The following CDH18 variants were observed in gnomAD, a reference collection of about 807,000 sequenced individuals.
The protein encoded by CDH18 is cadherin-18.
CDH18 carries 31 observed loss-of-function variants against 67.9 expected under a neutral mutation model. The observed-to-expected ratio is 0.46, with a 90% CI of 0.34 to 0.62. CDH18 has a LOEUF of 0.62. CDH18 is among the 20% of genes least tolerant of loss of function. The pLI is 0.01. For missense variants in CDH18, 890 were observed against 975.5 expected (o/e 0.91, Z 1.17); for synonymous variants, 362 against 347.2 (o/e 1.04, Z -0.48).
chr5:20,332,110 C>T (rs1026499901), intron 1 of CDH18, among the ~76,000 whole-genome samples: 2 of 152,024 alleles, frequency 1.3e-5, no homozygotes, highest in Non-Finnish European at 2.9e-5. Context: ...CTTCTAAACA[C>T]AATTAGTTGA....
intron 1 of CDH18, among the ~76,000 whole-genome samples, chr5:20,269,300 C>T (rs1745269422): frequency 3.3e-5 from 5 of 152,142 alleles, no homozygotes; most frequent in Middle Eastern, 3.4e-3. Context: ...TTAGTGCAGT[C>T]TCTATGAAAA....
intron 1 of CDH18, among the ~76,000 whole-genome samples, chr5:20,471,788 C>T (rs558943033): frequency 4.5e-4 from 59 of 129,990 alleles, no homozygotes; most frequent in Admixed American, 1.5e-3. Flanking sequence ...CCAGCCTGGG[C>T]GACAGATCAG....
chr5:20,526,875 A>G lies in CDH18; in HGVS notation c.-580+48587T>C, dbSNP rs1339766260. Among the ~76,000 whole-genome samples, 3 of 152,078 alleles carry G rather than the reference A, an allele frequency of 2.0e-5. No homozygotes were observed. In the East Asian group the frequency reaches 5.8e-4, roughly 29 times the overall value. On this transcript the variant is annotated intron_variant, in intron 1 of 14. Transcript: ENST00000507958. ...AGCCAGCATGCCTCTTCTCCTCCAA[A>G]TGATTGCAACACCTCTCCAGCAAGG...
intron 1 of CDH18, among the ~76,000 whole-genome samples, chr5:20,462,809 A>G (rs1751365292): frequency 4.6e-5 from 7 of 152,184 alleles, no homozygotes; most frequent in Admixed American, 4.6e-4. Context: ...TGACTTGTCC[A>G]ACTAAAAGTG....
chr5:20,259,759 CT>C (rs1265082715), intron 1 of CDH18, among the ~76,000 whole-genome samples: 1 of 152,108 alleles, frequency 6.6e-6, no homozygotes, highest in Non-Finnish European at 1.5e-5. Context: ...ATTAGTCCCC[CT>C]AGCCCCTGTG....
intron 5 of CDH18, among the ~76,000 whole-genome samples, chr5:19,616,578 C>T (rs1364221001): frequency 6.6e-6 from 1 of 152,084 alleles, no homozygotes; most frequent in African/African-American, 2.4e-5. Flanking sequence ...GGTTTTCAAA[C>T]TTGTGTTTAC....
chr5:19,828,867 G>A (rs1780712497), intron 3 of CDH18, among the ~76,000 whole-genome samples: 1 of 152,022 alleles, frequency 6.6e-6, no homozygotes, highest in South Asian at 2.1e-4. Context: ...GTGAAACCCT[G>A]TCTCTACTAA....
chr5:20,327,667 G>C (rs1248629869), intron 1 of CDH18, among the ~76,000 whole-genome samples: 1 of 152,060 alleles, frequency 6.6e-6, no homozygotes. Flanking sequence ...CAAAGAAGTT[G>C]AAGTATGCAT....
intron 2 of CDH18, among the ~76,000 whole-genome samples, chr5:19,918,372 T>A (rs1177434652): frequency 6.6e-6 from 1 of 152,184 alleles, no homozygotes; most frequent in Non-Finnish European, 1.5e-5. Flanking sequence ...ACTTAATTAT[T>A]TTATATATAA....
rs181556086 is a variant in CDH18, at chr5:19,566,841, A to G, written c.1253+4738T>C. On this transcript the variant is annotated intron_variant, in intron 8 of 12. Coordinates refer to ENST00000382275, the MANE Select transcript of CDH18 (RefSeq NM_004934.5). Reference sequence around the variant, plus strand: ...AGATTTGAAAGCAACCTAAGTGTCCATCAATAGATGAATGGATAAAGAAAA... The same window carrying G: ...AGATTTGAAAGCAACCTAAGTGTCCGTCAATAGATGAATGGATAAAGAAAA... 1.6e-3 allele frequency among the ~76,000 whole-genome samples: 244 copies of G among 152,338 alleles called. 1 individual carries two copies. Among genetic ancestry groups the G allele is most frequent in the African/African-American group, 5.4e-3 (224 of 41,578 alleles).
At position 19,607,113 on chromosome 5, in the gene CDH18, T is replaced by C. The variant is rs939015466; in HGVS notation, c.811+5321A>G. Among the ~76,000 whole-genome samples, 13 of 151,820 alleles carry C rather than the reference T, an allele frequency of 8.6e-5. No homozygotes were observed. The South Asian group carries it at 2.5e-3, about 29-fold the overall frequency. The stretch of plus-strand genomic sequence containing the variant: ...ATAAAGGCAAAATTGTAAATTTATA[T>C]AGAAAAGCTGAGAAAATTCATTGGC... On this transcript the variant is annotated intron_variant, in intron 6 of 12. Coordinates refer to ENST00000382275, the MANE Select transcript of CDH18 (RefSeq NM_004934.5).
chr5:20,454,969 T>C (rs778013853), intron 1 of CDH18, among the ~76,000 whole-genome samples: 116 of 152,006 alleles, frequency 7.6e-4, no homozygotes, highest in Non-Finnish European at 1.6e-3. Context: ...ATCAGAGCTA[T>C]GTATTCTTGG....
At chr5:19,935,646 G>A (rs1318384915) in intron 2 of CDH18, among the ~76,000 whole-genome samples, 2 of 150,574 alleles carry the variant, frequency 1.3e-5, no homozygotes, top group Non-Finnish European at 3.0e-5. Flanking sequence ...ACCTAACAAC[G>A]CATTTCTCAG....
chr5:20,467,699 A>G lies in CDH18; in HGVS notation c.-580+107763T>C, dbSNP rs570097373. 2.0e-5 allele frequency among the ~76,000 whole-genome samples: 3 copies of G among 152,358 alleles called. No individual in the cohort carries two copies. In the East Asian group the frequency reaches 5.8e-4, roughly 29 times the overall value. ...TGAATCAATGAATCAATAAATAGAT[A>G]ATTAAGTGGCTGAATGGATGTGGTA... On this transcript the variant is annotated intron_variant, in intron 1 of 14. Coordinates refer to the CDH18 transcript ENST00000507958.
chr5:19,523,132 ATAG>A (rs1288160913), intron 9 of CDH18, among the ~76,000 whole-genome samples: 7 of 152,106 alleles, frequency 4.6e-5, no homozygotes, highest in Non-Finnish European at 7.4e-5. Flanking sequence ...CATAATAATA[ATAG>A]TAGTAGTAAC....
At chr5:20,177,076 A>G (rs1737291590) in intron 2 of CDH18, among the ~76,000 whole-genome samples, 1 of 152,150 alleles carries the variant, frequency 6.6e-6, no homozygotes, top group Non-Finnish European at 1.5e-5. Context: ...ATTTTAATAC[A>G]GAAACATTTA....
At chr5:19,485,804 G>T (rs986962835) in intron 11 of CDH18, among the ~76,000 whole-genome samples, 17 of 152,168 alleles carry the variant, frequency 1.1e-4, no homozygotes, top group African/African-American at 4.1e-4. Context: ...CTGAAAAAGA[G>T]ATGTGAGACA....
chr5:19,784,805 A>G (rs115641010), intron 3 of CDH18, among the ~76,000 whole-genome samples: 1 of 152,298 alleles, frequency 6.6e-6, no homozygotes, highest in Non-Finnish European at 1.5e-5. Flanking sequence ...AGACACATTT[A>G]CCATCTATTC....
chr5:19,612,446 G>T lies in CDH18; in HGVS notation c.799C>A (p.Arg267Ser), dbSNP rs375530344. The change falls in exon 6 of 13, where the codon CGC (arginine) becomes AGC (serine). Residue 267 changes from arginine to serine, a missense_variant. By Grantham distance (110) the Arg-to-Ser change is moderately radical. Coordinates refer to ENST00000382275, the MANE Select transcript of CDH18 (RefSeq NM_004934.5). ...AACAAATACGTACTTTGAGGAAAGC[G>T]TGGTGGGTTGTCATTGACATCGGTT... is the stretch of plus-strand genomic sequence containing the variant. ...TLTDVNDNPP[R>S]FPQKHYQLYV... 5 of 1,613,896 alleles carry T rather than the reference G, an allele frequency of 3.1e-6. No individual in the cohort carries two copies. In the African/African-American group the frequency reaches 5.3e-5, roughly 17 times the overall value.
Sources: allele counts gnomAD v4.1 joint callset (sites outside exome capture counted in the v4.1 genomes callset), GRCh38; gene constraint gnomAD v4.1.1; transcripts MANE v1.5; gene names NCBI Gene and HGNC (gene_info 2026-07-23, HGNC 2026-07-21).